The following MTAP variants were observed in gnomAD, a reference collection of about 807,000 sequenced individuals.
MTAP encodes methylthioadenosine phosphorylase.
MTAP carries 33 observed loss-of-function variants against 33.6 expected under a neutral mutation model. The observed-to-expected ratio is 0.98, with a 90% CI of 0.74 to 1.31. The LOEUF (loss-of-function observed/expected upper bound fraction) is 1.31, where lower values mean the gene tolerates loss of function less well. Among genes scored for constraint, MTAP ranks in the 40% most tolerant of loss-of-function variants. The probability of loss-of-function intolerance (pLI) is 0.00; values close to 1 mark genes in which losing one functional copy is unlikely to be tolerated. For synonymous variants in MTAP, 148 were observed against 125.7 expected (o/e 1.18, Z -1.19); for missense variants, 367 against 360.0 (o/e 1.02, Z -0.16).
intron 1 of MTAP, among the ~76,000 whole-genome samples, chr9:21,923,662 C>T (rs1319862287): frequency 2.0e-5 from 3 of 152,288 alleles, no homozygotes; most frequent in Non-Finnish European, 4.4e-5. Flanking sequence ...ACAAAATTTT[C>T]TCCATTCCTC....
chr9:21,888,907 T>C (rs1818155277), intron 1 of MTAP, among the ~76,000 whole-genome samples: 1 of 152,176 alleles, frequency 6.6e-6, no homozygotes, highest in African/African-American at 2.4e-5. Flanking sequence ...TCATGTAATC[T>C]ATAAAGGAAA....
chr9:21,821,030 G>C (rs1249926420), intron 4 of MTAP, among the ~76,000 whole-genome samples: 2 of 152,214 alleles, frequency 1.3e-5, no homozygotes, highest in African/African-American at 4.8e-5. Context: ...TTTGGGCTGA[G>C]ACGATGGGGT....
chr9:21,841,655 G>A (rs995913177), intron 5 of MTAP, among the ~76,000 whole-genome samples: 4 of 152,196 alleles, frequency 2.6e-5, no homozygotes, highest in African/African-American at 9.7e-5. Flanking sequence ...GCCTCAATGG[G>A]TGGCTAGACC....
At chr9:21,938,497 G>A (rs980482074), downstream of MTAP, among the ~76,000 whole-genome samples, 5 of 151,944 alleles carry the variant, frequency 3.3e-5, no homozygotes, top group Non-Finnish European at 7.4e-5. Context: ...GAATTGCATA[G>A]GAAGTTGTCA....
intron 1 of MTAP, chr9:21,811,534 C>G (rs7860126): frequency 0.2 from 62,562 of 316,820 alleles, 10,311 homozygotes; most frequent in African/African-American, 0.56. Flanking sequence ...CGCACATACA[C>G]TAAGACATGG....
downstream of MTAP, chr9:21,937,751 C>T (rs1819064293): frequency 6.6e-6 from 1 of 152,118 alleles, no homozygotes; most frequent in Admixed American, 6.6e-5. Flanking sequence ...TTCCTAAAAC[C>T]AAATTCTAAA....
rs1014425253 is a variant in MTAP at position 21,927,454 on chromosome 9, G to A, written c.148-3554G>A. Among the ~76,000 whole-genome samples, 26 of 152,164 alleles carry A rather than the reference G, an allele frequency of 1.7e-4. 1 individual carries two copies. Among genetic ancestry groups the A allele is most frequent in the Admixed American group, 7.2e-4 (11 of 15,274 alleles). On this transcript the variant is annotated intron_variant, in intron 1 of 1. Transcript: ENST00000577563. ...AGTCTTGTTGTCAGAAAACCCACAG[G>A]TAACAGTTGAGTGGTGTTCCACTCT...
chr9:21,898,720 AAGTC>A (rs1358369822), intron 1 of MTAP, among the ~76,000 whole-genome samples: 1 of 152,204 alleles, frequency 6.6e-6, no homozygotes, highest in Non-Finnish European at 1.5e-5. Flanking sequence ...GATCATTAAA[AAGTC>A]AGGAAACAAC....
intron 5 of MTAP, among the ~76,000 whole-genome samples, chr9:21,849,605 G>A (rs983252452): frequency 6.6e-6 from 1 of 152,180 alleles, no homozygotes; most frequent in Non-Finnish European, 1.5e-5. Context: ...GAAGCCATTC[G>A]AGCTGCCTCT....
At chr9:21,938,139 C>T (rs528377820), downstream of MTAP, among the ~76,000 whole-genome samples, 21 of 152,082 alleles carry the variant, frequency 1.4e-4, no homozygotes, top group South Asian at 8.3e-4. Flanking sequence ...CTGGGCATGG[C>T]GGCGTGTGCC....
At chr9:21,919,962 A>C (rs1180678501) in intron 1 of MTAP, among the ~76,000 whole-genome samples, 1 of 152,156 alleles carries the variant, frequency 6.6e-6, no homozygotes. Context: ...AAATATAAAA[A>C]TTCTTCATGG....
intron 4 of MTAP, among the ~76,000 whole-genome samples, chr9:21,829,542 C>G (rs1486097654): frequency 4.6e-5 from 7 of 151,992 alleles, no homozygotes; most frequent in Non-Finnish European, 1.0e-4. Context: ...CTCCTTTTCC[C>G]TACACTGCCC....
chr9:21,806,286 CAG>C (rs1044082518), intron 1 of MTAP, among the ~76,000 whole-genome samples: 1 of 151,984 alleles, frequency 6.6e-6, no homozygotes, highest in African/African-American at 2.4e-5. Flanking sequence ...AGGTAGAACA[CAG>C]AGATGGATAA....
intron 4 of MTAP, 39 bp from the exon 5 acceptor site, chr9:21,837,869 A>C (rs1825148134): frequency 1.3e-6 from 2 of 1,572,786 alleles, no homozygotes; most frequent in Non-Finnish European, 1.7e-6. Context: ...ATGGCCTTAA[A>C]ATAAAACAAA....
chr9:21,917,489 T>C (rs550294204), intron 1 of MTAP, among the ~76,000 whole-genome samples: 16 of 152,168 alleles, frequency 1.1e-4, no homozygotes, highest in African/African-American at 3.9e-4. Context: ...GACTAAGAAA[T>C]TGTGATGCTT....
chr9:21,809,542 G>A (rs545321917), intron 1 of MTAP, among the ~76,000 whole-genome samples: 2 of 152,174 alleles, frequency 1.3e-5, no homozygotes, highest in South Asian at 4.2e-4. Flanking sequence ...GGGAGACTAA[G>A]GCAGGAGAAT....
downstream of MTAP, chr9:21,935,914 A>G (rs572307623): frequency 9.8e-5 from 15 of 152,318 alleles, 1 homozygote; most frequent in East Asian, 2.7e-3. Flanking sequence ...ATTTCTAAGC[A>G]TCTAGCTATC....
chr9:21,879,695 C>T (rs965233152), intron 1 of MTAP, among the ~76,000 whole-genome samples: 1 of 152,078 alleles, frequency 6.6e-6, no homozygotes, highest in Admixed American at 6.6e-5. Flanking sequence ...AAATATAGTG[C>T]TCCTTTCAAG....
At chr9:21,840,480 C>A (rs1825216033) in intron 5 of MTAP, among the ~76,000 whole-genome samples, 1 of 152,154 alleles carries the variant, frequency 6.6e-6, no homozygotes, top group South Asian at 2.1e-4. Context: ...CTGGGGAAAT[C>A]TAAAAATCCA....
Sources: allele counts gnomAD v4.1 joint callset (sites outside exome capture counted in the v4.1 genomes callset), GRCh38; gene constraint gnomAD v4.1.1; transcripts MANE v1.5; gene names NCBI Gene and HGNC (gene_info 2026-07-23, HGNC 2026-07-21).